Variants in RAB3IP observed in about 807,000 individuals in gnomAD.
RAB3IP encodes the protein RAB3A interacting protein.
RAB3IP carries 36 observed loss-of-function variants against 59.1 expected under a neutral mutation model. The ratio of observed to expected loss-of-function variants is 0.61; its 90% CI spans 0.47 to 0.80. The LOEUF (loss-of-function observed/expected upper bound fraction) is 0.80. RAB3IP is among the 30% of genes least tolerant of loss of function. RAB3IP has a pLI of 0.00. For synonymous variants in RAB3IP, 207 were observed against 191.2 expected (o/e 1.08, Z -0.68); for missense variants, 511 against 536.0 (o/e 0.95, Z 0.46).
intron 10 of RAB3IP, among the ~76,000 whole-genome samples, chr12:69,814,810 A>G (rs562077129): frequency 7.2e-5 from 11 of 152,312 alleles, no homozygotes; most frequent in African/African-American, 2.6e-4. Flanking sequence ...GGGAACTTAC[A>G]AAAGTATAGG....
chr12:69,746,296 A>G (rs901273304), intron 1 of RAB3IP, among the ~76,000 whole-genome samples: 9 of 152,170 alleles, frequency 5.9e-5, no homozygotes, highest in African/African-American at 2.2e-4. Flanking sequence ...GAAGGCTTTT[A>G]ATGGTCTGTC....
chr12:69,809,162 T>C (rs1206383973), intron 8 of RAB3IP, among the ~76,000 whole-genome samples: 2 of 149,112 alleles, frequency 1.3e-5, no homozygotes, highest in East Asian at 3.9e-4. Flanking sequence ...CTTATGAAGC[T>C]TAGTTTGGCT....
rs371548919 is a variant in RAB3IP, at chr12:69,817,406, C to A, written c.*1960C>A. 6.6e-6 allele frequency: 1 copy of A among 151,524 alleles called. No homozygotes were observed. Among genetic ancestry groups the A allele is most frequent in the Non-Finnish European group, 1.5e-5 (1 of 67,912 alleles). The allele number at this position is 151,524 out of a possible 1,614,324, so 9.4% of individuals were successfully genotyped here. On this transcript the variant is annotated 3_prime_UTR_variant, in exon 11 of 11. Transcript: ENST00000247833. The stretch of plus-strand genomic sequence containing the variant: ...AGAAAATGTGATTATCTTCCTGATC[C>A]TACTCCCTTTAGGAAGAACTTCTTA...
intron 5 of RAB3IP, 25 bp downstream of exon 5, chr12:69,794,539 T>G (rs1402172491): frequency 1.3e-6 from 2 of 1,564,022 alleles, no homozygotes; most frequent in African/African-American, 1.4e-5. Context: ...CTCTTAATAG[T>G]ATAAAATAAA....
At chr12:69,740,863 A>G (rs944488075) in intron 1 of RAB3IP, among the ~76,000 whole-genome samples, 2 of 152,348 alleles carry the variant, frequency 1.3e-5, no homozygotes, top group African/African-American at 4.8e-5. Flanking sequence ...TATATGCATT[A>G]TAGTAGTTAC....
Position 69,823,084 on chromosome 12 carries a change from A to C in RAB3IP, c.*7638A>C, listed in dbSNP as rs2136307738. On this transcript the variant is annotated 3_prime_UTR_variant, in exon 11 of 11. Coordinates refer to ENST00000247833, the MANE Select transcript of RAB3IP (RefSeq NM_022456.5). The stretch of plus-strand genomic sequence containing the variant: ...AAGTGTTTGAGATGATGGATATGCT[A>C]ATTACCCTGATCTGATCACTACACA... 1 of 152,306 alleles carries C rather than the reference A, an allele frequency of 6.6e-6. No individual in the cohort carries two copies. Among genetic ancestry groups the C allele is most frequent in the Middle Eastern group, 3.4e-3 (1 of 294 alleles). 9.4% of individuals were successfully genotyped at this position (152,306 alleles called of 1,614,324 possible). A position where few individuals can be genotyped will look rare whatever the true frequency, so the allele number is the denominator to read the frequency against.
chr12:69,810,805 A>C (rs955662583), intron 8 of RAB3IP, among the ~76,000 whole-genome samples: 3 of 152,228 alleles, frequency 2.0e-5, no homozygotes, highest in Non-Finnish European at 4.4e-5. Context: ...ATTACGGTCT[A>C]GATTTAGACA....
chr12:69,821,651 G>T lies in RAB3IP; in HGVS notation c.*6205G>T, dbSNP rs1408887357. On this transcript the variant is annotated 3_prime_UTR_variant, in exon 11 of 11. Coordinates refer to ENST00000247833, the MANE Select transcript of RAB3IP (RefSeq NM_022456.5). ...CCATCTTGTTTTTGAACAATTGCCAGCATTTAAAAATGAGGAAATCTAAAA... is the reference window on the plus strand; with the variant it reads ...CCATCTTGTTTTTGAACAATTGCCATCATTTAAAAATGAGGAAATCTAAAA... 5 of 152,292 alleles carry T rather than the reference G, an allele frequency of 3.3e-5. No homozygotes were observed. The highest frequency in any genetic ancestry group is 5.9e-5 in the Non-Finnish European group (4 of 68,022). 9.4% of individuals were successfully genotyped at this position (152,292 alleles called of 1,614,324 possible). A position where few individuals can be genotyped will look rare whatever the true frequency, so the allele number is the denominator to read the frequency against.
At chr12:69,782,084 C>T (rs1874816710) in intron 3 of RAB3IP, among the ~76,000 whole-genome samples, 1 of 152,136 alleles carries the variant, frequency 6.6e-6, no homozygotes, top group African/African-American at 2.4e-5. Flanking sequence ...ACTATATTAC[C>T]ACCACAGTTA....
At chr12:69,739,746 G>T (rs886308906) in intron 1 of RAB3IP, 4 of 1,268,944 alleles carry the variant, frequency 3.2e-6, no homozygotes, top group Non-Finnish European at 4.6e-6. Flanking sequence ...CCCTCCCAGC[G>T]TTGACAACTC....
At chr12:69,806,401 G>A (rs1879274544) in intron 8 of RAB3IP, among the ~76,000 whole-genome samples, 2 of 151,762 alleles carry the variant, frequency 1.3e-5, no homozygotes, top group Admixed American at 6.6e-5. Flanking sequence ...TTCTTTATTA[G>A]TCTTGCTAGC....
Position 69,756,380 on chromosome 12 carries a change from T to C in RAB3IP, c.252-25T>C. The C allele has an allele frequency of 1.9e-6, 3 of 1,608,942 alleles. No individual in the cohort carries two copies. In the East Asian group the frequency reaches 6.7e-5, roughly 36 times the overall value. ...TATTGGAGCATATGCTGATATTTTC[T>C]GAAAAATGTCTCTCTCCTTTACAGC... On this transcript the variant is annotated intron_variant, in intron 2 of 10. Coordinates refer to ENST00000247833, the MANE Select transcript of RAB3IP (RefSeq NM_022456.5).
chr12:69,796,689 T>G, intron 6 of RAB3IP: 1 of 581,584 alleles, frequency 1.7e-6, no homozygotes, highest in South Asian at 2.1e-5. Context: ...TGTAACCAAA[T>G]CCAAAATTCA....
chr12:69,812,847 TTATTA>T lies in RAB3IP; in HGVS notation c.1205_1209del (p.Tyr402PhefsTer13). ...TTAAATTAGGGGACTCAAGCAACTA[TTATTA>T]TATTTCTCCTTTTTGCAGATACAGG... On this transcript the variant is annotated frameshift_variant, in exon 9 of 11. Coordinates refer to ENST00000247833, the MANE Select transcript of RAB3IP (RefSeq NM_022456.5). LOFTEE classifies it high-confidence loss of function. 6.2e-7 allele frequency: 1 copy of T among 1,612,998 alleles called. No individual in the cohort carries two copies. The highest frequency in any genetic ancestry group is 8.5e-7 in the Non-Finnish European group (1 of 1,178,966).
At chr12:69,773,080 G>A (rs944079455) in intron 3 of RAB3IP, among the ~76,000 whole-genome samples, 1 of 151,990 alleles carries the variant, frequency 6.6e-6, no homozygotes, top group Non-Finnish European at 1.5e-5. Flanking sequence ...TGGTGTTTTT[G>A]TTTGTTTTTT....
At chr12:69,753,536 A>T (rs752641614) in intron 1 of RAB3IP, among the ~76,000 whole-genome samples, 3 of 151,904 alleles carry the variant, frequency 2.0e-5, no homozygotes, top group Non-Finnish European at 4.4e-5. Context: ...TTTAGTAGAG[A>T]CAGGGTTTCA....
chr12:69,795,426 C>T lies in RAB3IP; in HGVS notation c.888+82C>T, dbSNP rs981719692. ...CTGAGGTGTCAGTTATCATTTTTGC[C>T]AGCAAAATTTTTAGTACAAAATAAT... On this transcript the variant is annotated intron_variant, in intron 6 of 10. Coordinates refer to ENST00000247833, the MANE Select transcript of RAB3IP (RefSeq NM_022456.5). 3.3e-6 allele frequency: 4 copies of T among 1,208,656 alleles called. No homozygotes were observed. In the African/African-American group the frequency reaches 4.5e-5, roughly 14 times the overall value. The allele number at this position is 1,208,656 out of a possible 1,614,324, so 74.9% of individuals were successfully genotyped here. A position where few individuals can be genotyped will look rare whatever the true frequency, so the allele number is the denominator to read the frequency against.
intron 3 of RAB3IP, among the ~76,000 whole-genome samples, chr12:69,782,538 G>A (rs1328165783): frequency 8.2e-6 from 1 of 122,122 alleles, no homozygotes; most frequent in Non-Finnish European, 2.1e-5. Flanking sequence ...TTTGTCATCT[G>A]TGTATCTGCC....
chr12:69,750,171 A>C (rs901449898), intron 1 of RAB3IP, among the ~76,000 whole-genome samples: 1 of 152,180 alleles, frequency 6.6e-6, no homozygotes, highest in African/African-American at 2.4e-5. Context: ...TAGATGCGCT[A>C]TGCTTAATAT....
Sources: allele counts gnomAD v4.1 joint callset (sites outside exome capture counted in the v4.1 genomes callset), GRCh38; gene constraint gnomAD v4.1.1; transcripts MANE v1.5; gene names NCBI Gene and HGNC (gene_info 2026-07-23, HGNC 2026-07-21).